Variants in BMP1 observed in about 807,000 individuals in gnomAD.
BMP1 encodes the protein bone morphogenetic protein 1.
Under a neutral mutation model 116.8 loss-of-function variants are expected in BMP1, and 63 were observed. The observed-to-expected ratio is 0.54, with a 90% CI of 0.44 to 0.67. BMP1 has a LOEUF of 0.67. BMP1 is among the 30% of genes least tolerant of loss of function. BMP1 has a pLI of 0.00. For synonymous variants in BMP1, 536 were observed against 533.4 expected, an observed-to-expected ratio of 1.00 and a Z score of -0.07; for missense variants, 1,183 against 1,358.9, an observed-to-expected ratio of 0.87 and a Z score of 2.04.
rs1475639174 is a variant in BMP1 at position 22,177,557 on chromosome 8, T to A, written c.731-295T>A. ...TGTCCCTCCCTTCCCGCCTCCTCCC[T>A]CTCTCCCAGGCGTTCTCCACTCTTC... On this transcript the variant is annotated intron_variant, in intron 5 of 19. Coordinates refer to ENST00000306385, the MANE Select transcript of BMP1 (RefSeq NM_006129.5). The A allele has an allele frequency of 6.8e-6, 5 of 734,004 alleles. No homozygotes were observed. In the Admixed American group the frequency reaches 8.6e-5, roughly 13 times the overall value. 45.5% of individuals were successfully genotyped at this position (734,004 alleles called of 1,614,324 possible).
intron 1 of BMP1, among the ~76,000 whole-genome samples, chr8:22,173,282 C>T (rs1009647173): frequency 9.9e-5 from 15 of 152,162 alleles, no homozygotes; most frequent in Non-Finnish European, 1.8e-4. Context: ...CAAGACCCTG[C>T]TAATTTTAAA....
rs1829380278 is a variant in BMP1, at chr8:22,207,341, T to C, written c.2400T>C (p.Cys800=). The C allele has an allele frequency of 2.5e-6, 4 of 1,613,848 alleles. No individual in the cohort carries two copies. In the South Asian group the frequency reaches 3.3e-5, roughly 13 times the overall value. Residue 800 remains cysteine, a synonymous_variant, in exon 18 of 20, where the codon TGT becomes TGC. Coordinates refer to ENST00000306385, the MANE Select transcript of BMP1 (RefSeq NM_006129.5). The part of the protein sequence containing the change: ...MEMDIESQPE[C]AYDHLEVFDG... ...TGGACATCGAGTCCCAGCCTGAGTG[T>C]GCCTACGACCACCTAGAGGTGTTCG...
rs779559164 is a variant in BMP1 at position 22,180,497 on chromosome 8, C to G, written c.1077+14C>G. The G allele has an allele frequency of 1.2e-6, 2 of 1,609,880 alleles. No individual in the cohort carries two copies. Among genetic ancestry groups the G allele is most frequent in the African/African-American group, 2.7e-5 (2 of 74,938 alleles). ...CCCGGGGAGAAGGTACGTGTGGGCT[C>G]AGCCTCTGAGCCTCCCCCTCCCCTG... On this transcript the variant is annotated intron_variant, in intron 8 of 19. Transcript: ENST00000306385.
intron 4 of BMP1, 34 bp downstream of exon 4, chr8:22,176,684 C>A (rs1828446518): frequency 6.2e-7 from 1 of 1,605,634 alleles, no homozygotes; most frequent in Non-Finnish European, 8.5e-7. Flanking sequence ...GTACCTTCCG[C>A]CATTGCCCCA....
intron 9 of BMP1, chr8:22,192,436 A>C: frequency 3.1e-6 from 1 of 321,746 alleles, no homozygotes; most frequent in East Asian, 6.9e-5. Flanking sequence ...GAGTCATCAG[A>C]ATTGACTGAG....
intron 15 of BMP1, chr8:22,199,513 A>G: frequency 1.0e-6 from 1 of 963,136 alleles, no homozygotes; most frequent in African/African-American, 1.8e-5. Context: ...AGCCTTCCTC[A>G]GGACTCACTT....
At chr8:22,207,559 C>T in intron 18 of BMP1, 43 bp downstream of exon 18, 1 of 1,600,440 alleles carries the variant, frequency 6.2e-7, no homozygotes, top group South Asian at 1.1e-5. Context: ...GCCTGGTCTC[C>T]AAGACTGGGG....
At chr8:22,175,731 C>A (rs540546985) in intron 2 of BMP1, among the ~76,000 whole-genome samples, 46 of 152,270 alleles carry the variant, frequency 3.0e-4, no homozygotes, top group African/African-American at 1.0e-3. Flanking sequence ...CATATCACAG[C>A]CTTCTTGCCC....
chr8:22,211,931 A>G lies in BMP1; in HGVS notation c.*203A>G. 1.4e-6 allele frequency: 1 copy of G among 721,960 alleles called. No homozygotes were observed. Among genetic ancestry groups the G allele is most frequent in the Non-Finnish European group, 2.2e-6 (1 of 449,590 alleles). 44.7% of individuals were successfully genotyped at this position (721,960 alleles called of 1,614,324 possible). On this transcript the variant is annotated 3_prime_UTR_variant, in exon 20 of 20. Transcript: ENST00000306385. ...CACTTCCCCACAAACCCCCACCAGC[A>G]AGGGGCTGGGGCCAGGGAGCAGAGC... is the stretch of plus-strand genomic sequence containing the variant.
intron 16 of BMP1, among the ~76,000 whole-genome samples, chr8:22,204,444 A>T (rs6557884): frequency 6.6e-6 from 1 of 152,036 alleles, no homozygotes; most frequent in African/African-American, 2.4e-5. Flanking sequence ...GAGTCGGGGC[A>T]GGGCGTGGTG....
chr8:22,193,370 C>T (rs1382997408), intron 9 of BMP1, among the ~76,000 whole-genome samples: 1 of 152,190 alleles, frequency 6.6e-6, no homozygotes, highest in Non-Finnish European at 1.5e-5. Flanking sequence ...GATTATATTT[C>T]TGATTTTATT....
rs117452521 is a variant in BMP1 at position 22,191,380 on chromosome 8, C to T, written c.1078-669C>T. On this transcript the variant is annotated intron_variant, in intron 8 of 19. Coordinates refer to ENST00000306385, the MANE Select transcript of BMP1 (RefSeq NM_006129.5). ...GCCTGGAGCTTCTTGAGGACAGGGA[C>T]GGATTCAGATCTGGTGTCCTTTCAG... Among the ~76,000 whole-genome samples the T allele has an allele frequency of 6.4e-3, 967 of 152,258 alleles. 17 individuals are homozygous for T. The East Asian group carries it at 0.074, about 12-fold the overall frequency.
At chr8:22,176,468 C>T in intron 3 of BMP1, 65 bp from the exon 4 acceptor site, 1 of 1,579,780 alleles carries the variant, frequency 6.3e-7, no homozygotes, top group South Asian at 1.1e-5. Context: ...TGTGACTCTT[C>T]AGTGGTGGGT....
chr8:22,207,616 G>C, intron 18 of BMP1, 100 bp downstream of exon 18: 1 of 1,364,514 alleles, frequency 7.3e-7, no homozygotes, highest in Non-Finnish European at 1.0e-6. Flanking sequence ...GAGGGACTGA[G>C]CCCTGCGACC....
chr8:22,186,578 T>G (rs1828776563), intron 8 of BMP1, among the ~76,000 whole-genome samples: 1 of 152,182 alleles, frequency 6.6e-6, no homozygotes, highest in African/African-American at 2.4e-5. Context: ...GCAATTTTTC[T>G]GCCTCAGCCT....
At position 22,195,406 on chromosome 8, in the gene BMP1, C is replaced by T. The variant is rs1283849513; in HGVS notation, c.1640-56C>T. 5.1e-6 allele frequency: 8 copies of T among 1,555,500 alleles called. No individual in the cohort carries two copies. The African/African-American group carries it at 6.9e-5, about 13-fold the overall frequency. On this transcript the variant is annotated intron_variant, in intron 12 of 19. Transcript: ENST00000306385. ...CTGAGTGGACAAGTGAGGCTCACAG[C>T]CAGCTTCTTCCCTTGAATGCCTGGA...
At chr8:22,181,871 T>C (rs1399369296) in intron 8 of BMP1, among the ~76,000 whole-genome samples, 1 of 152,200 alleles carries the variant, frequency 6.6e-6, no homozygotes, top group African/African-American at 2.4e-5. Context: ...CAGCTCTTAA[T>C]GTTACAACGT....
chr8:22,168,619 G>A (rs1828185654), intron 1 of BMP1, among the ~76,000 whole-genome samples: 1 of 152,138 alleles, frequency 6.6e-6, no homozygotes, highest in Non-Finnish European at 1.5e-5. Flanking sequence ...TCCCACCCAG[G>A]GGGACGCCTG....
Position 22,194,632 on chromosome 8 carries a change from T to G in BMP1, c.1443+42T>G, listed in dbSNP as rs1419726602. On this transcript the variant is annotated intron_variant, in intron 11 of 19. Coordinates refer to ENST00000306385, the MANE Select transcript of BMP1 (RefSeq NM_006129.5). This position sits in a 1 kb window ranked among gnomAD's most constrained non-coding sequence, Gnocchi z 4.5. Reference sequence around the variant, plus strand: ...GTGATCTGACCTTTGAATCCAGCAGTTGCTCCCTGGGACAGCTGCCTCTCT... The same window carrying G: ...GTGATCTGACCTTTGAATCCAGCAGGTGCTCCCTGGGACAGCTGCCTCTCT... 1.2e-6 allele frequency: 2 copies of G among 1,608,708 alleles called. No homozygotes were observed. The highest frequency in any genetic ancestry group is 2.7e-5 in the African/African-American group (2 of 74,812).
Sources: allele counts gnomAD v4.1 joint callset (sites outside exome capture counted in the v4.1 genomes callset), GRCh38; gene constraint gnomAD v4.1.1; non-coding constraint Gnocchi (gnomAD v3.1); transcripts MANE v1.5; gene names NCBI Gene and HGNC (gene_info 2026-07-23, HGNC 2026-07-21).